Variants in CAMK1D observed in about 807,000 individuals in gnomAD.
CAMK1D encodes calcium/calmodulin-dependent protein kinase type 1D.
Under a neutral mutation model 47.7 loss-of-function variants are expected in CAMK1D, and 9 were observed. That is an observed-to-expected ratio of 0.19 (90% CI 0.11 to 0.33). The LOEUF (loss-of-function observed/expected upper bound fraction) is 0.33, where lower values mean the gene tolerates loss of function less well. Ranked by LOEUF, CAMK1D falls within the 10% of genes least tolerant of loss-of-function variation. The pLI is 1.00. For synonymous variants in CAMK1D, 184 were observed against 184.9 expected (o/e 0.99, Z 0.04); for missense variants, 291 against 488.7 (o/e 0.60, Z 3.81).
chr10:12,505,091 C>T (rs1485495365), intron 1 of CAMK1D, among the ~76,000 whole-genome samples: 1 of 152,206 alleles, frequency 6.6e-6, no homozygotes, highest in South Asian at 2.1e-4. Flanking sequence ...CTCCCTGTAT[C>T]GCTGTTTATG....
chr10:12,743,165 G>T (rs7096333), intron 3 of CAMK1D, among the ~76,000 whole-genome samples: 16,703 of 151,966 alleles, frequency 0.11, 1,930 homozygotes, highest in African/African-American at 0.29. Context: ...TGGCCAACAT[G>T]ATGAAACCCC....
chr10:12,564,147 G>GTC (rs56063700), intron 2 of CAMK1D, among the ~76,000 whole-genome samples: 1,872 of 139,542 alleles, frequency 0.013, 27 homozygotes, highest in African/African-American at 0.036. Flanking sequence ...CTCTCTCTCT[G>GTC]TCTCTCTCTC....
chr10:12,609,067 A>G (rs2132407215), intron 2 of CAMK1D, among the ~76,000 whole-genome samples: 1 of 152,350 alleles, frequency 6.6e-6, no homozygotes. Context: ...CTTCCTGCCA[A>G]GGGGCCATGC....
chr10:12,511,195 G>A (rs1346071025), intron 1 of CAMK1D, among the ~76,000 whole-genome samples: 1 of 152,188 alleles, frequency 6.6e-6, no homozygotes, highest in Non-Finnish European at 1.5e-5. Flanking sequence ...CTGCCTTTAT[G>A]GATTACCATG....
chr10:12,417,635 T>G (rs1839899900), intron 1 of CAMK1D, among the ~76,000 whole-genome samples: 1 of 152,080 alleles, frequency 6.6e-6, no homozygotes, highest in Non-Finnish European at 1.5e-5. Context: ...TTCCTCTACC[T>G]CCTGGCTCCT....
At chr10:12,419,958 C>G (rs1284020871) in intron 1 of CAMK1D, among the ~76,000 whole-genome samples, 2 of 145,592 alleles carry the variant, frequency 1.4e-5, no homozygotes, top group South Asian at 4.4e-4. Context: ...ATCTATGTAA[C>G]TTTTTTTTTT....
intron 1 of CAMK1D, among the ~76,000 whole-genome samples, chr10:12,485,906 A>G (rs1834199494): frequency 1.3e-5 from 2 of 152,118 alleles, no homozygotes; most frequent in African/African-American, 2.4e-5. Context: ...GCCCAGAGTG[A>G]GTCTTTGGTG....
chr10:12,669,977 G>A (rs1279691559), intron 3 of CAMK1D, among the ~76,000 whole-genome samples: 1 of 152,116 alleles, frequency 6.6e-6, no homozygotes, highest in African/African-American at 2.4e-5. Context: ...ATCGAGTGAA[G>A]TTGCTGTGAA....
chr10:12,433,854 A>T lies in CAMK1D; in HGVS notation c.92+83944A>T, dbSNP rs546039130. Among the ~76,000 whole-genome samples, 4 of 152,336 alleles carry T rather than the reference A, an allele frequency of 2.6e-5. No homozygotes were observed. The East Asian group carries it at 5.8e-4, about 22-fold the overall frequency. On this transcript the variant is annotated intron_variant, in intron 1 of 10. Coordinates refer to ENST00000619168, the MANE Select transcript of CAMK1D (RefSeq NM_153498.4). ...GTAAAGGGTTATGTTAAGAGTCCTA[A>T]CATACACAGACTTCCTGTCGTTGGG...
At chr10:12,495,147 G>T (rs1834498299) in intron 1 of CAMK1D, among the ~76,000 whole-genome samples, 1 of 152,226 alleles carries the variant, frequency 6.6e-6, no homozygotes, top group African/African-American at 2.4e-5. Context: ...GGTTATTCCA[G>T]GTGAATTCTG....
chr10:12,399,660 A>G (rs929995623), intron 1 of CAMK1D, among the ~76,000 whole-genome samples: 6 of 152,230 alleles, frequency 3.9e-5, no homozygotes, highest in Admixed American at 1.3e-4. Flanking sequence ...AAAACAAACT[A>G]TAGTGCTTCC....
chr10:12,501,513 G>C (rs1469757363), intron 1 of CAMK1D, among the ~76,000 whole-genome samples: 1 of 152,168 alleles, frequency 6.6e-6, no homozygotes, highest in East Asian at 1.9e-4. Context: ...TATTTACATA[G>C]TGTCTGTTGT....
intron 1 of CAMK1D, among the ~76,000 whole-genome samples, chr10:12,404,786 G>A (rs924736140): frequency 7.3e-5 from 11 of 151,232 alleles, no homozygotes; most frequent in African/African-American, 9.7e-5. Context: ...CCTCTGCCTC[G>A]TGGGTGATTC....
chr10:12,507,848 C>G (rs1834923830), intron 1 of CAMK1D, among the ~76,000 whole-genome samples: 1 of 152,172 alleles, frequency 6.6e-6, no homozygotes, highest in Non-Finnish European at 1.5e-5. Context: ...ATCCTTGCTT[C>G]TTTCCTGTGT....
At chr10:12,356,539 GGTGAAACCTCGTCT>G (rs1456237803) in intron 1 of CAMK1D, among the ~76,000 whole-genome samples, 1 of 152,022 alleles carries the variant, frequency 6.6e-6, no homozygotes, top group East Asian at 1.9e-4. Context: ...TGGCCAACGT[GGTGAAACCTCGTCT>G]CTACTAAAAA....
rs549906153 is a variant in CAMK1D, at chr10:12,507,614, C to T, written c.93-45611C>T. ...TGTAGGTTTTTGGCTGAGGGCCGCCCGGAAGAAAGGATGCTTGTTCACATT... is the reference window on the plus strand; with the variant it reads ...TGTAGGTTTTTGGCTGAGGGCCGCCTGGAAGAAAGGATGCTTGTTCACATT... On this transcript the variant is annotated intron_variant, in intron 1 of 10. Coordinates refer to ENST00000619168, the MANE Select transcript of CAMK1D (RefSeq NM_153498.4). 1.1e-4 allele frequency among the ~76,000 whole-genome samples: 17 copies of T among 152,156 alleles called. No individual in the cohort carries two copies. The South Asian group carries it at 2.7e-3, about 24-fold the overall frequency.
At chr10:12,680,618 T>C (rs971346387) in intron 3 of CAMK1D, among the ~76,000 whole-genome samples, 2 of 152,196 alleles carry the variant, frequency 1.3e-5, no homozygotes, top group Non-Finnish European at 2.9e-5. Flanking sequence ...GTGATGATGC[T>C]GGCGTGGCAG....
At chr10:12,689,602 C>A (rs919227679) in intron 3 of CAMK1D, among the ~76,000 whole-genome samples, 13 of 151,960 alleles carry the variant, frequency 8.6e-5, no homozygotes, top group African/African-American at 1.9e-4. Flanking sequence ...CGTGGTGAAA[C>A]CCCATCTCTA....
chr10:12,767,410 C>T (rs1419718340), intron 4 of CAMK1D, among the ~76,000 whole-genome samples: 1 of 152,126 alleles, frequency 6.6e-6, no homozygotes, highest in Non-Finnish European at 1.5e-5. Flanking sequence ...CTCCTAACCT[C>T]AGGTGATCCC....
Sources: allele counts gnomAD v4.1 joint callset (sites outside exome capture counted in the v4.1 genomes callset), GRCh38; gene constraint gnomAD v4.1.1; transcripts MANE v1.5; gene names NCBI Gene and HGNC (gene_info 2026-07-23, HGNC 2026-07-21).